RALGAPA1: variants seen among roughly 807,000 people sequenced by gnomAD.
RALGAPA1 encodes the protein ral GTPase-activating protein subunit alpha-1.
A neutral mutation model predicts 269.6 loss-of-function variants in RALGAPA1; 52 were observed. That is an observed-to-expected ratio of 0.19 (90% CI 0.15 to 0.24). The LOEUF is 0.24. RALGAPA1 is among the 10% of genes least tolerant of loss of function. The pLI, the probability that RALGAPA1 is intolerant of heterozygous loss-of-function variation, is 1.00. For missense variants in RALGAPA1, 1,917 were observed against 3,013.9 expected (o/e 0.64, Z 8.52); for synonymous variants, 817 against 1,008.3 (o/e 0.81, Z 3.60).
intron 41 of RALGAPA1, among the ~76,000 whole-genome samples, chr14:35,540,065 C>G (rs941858296): frequency 6.6e-6 from 1 of 151,930 alleles, no homozygotes; most frequent in Non-Finnish European, 1.5e-5. Flanking sequence ...AGGGTACAAC[C>G]AAGAAAAGAG....
intron 41 of RALGAPA1, among the ~76,000 whole-genome samples, chr14:35,548,062 GAAT>G (rs2054608254): frequency 1.3e-5 from 2 of 152,022 alleles, no homozygotes; most frequent in South Asian, 4.2e-4. Context: ...TGCTTCCCTT[GAAT>G]ACCATTACAA....
chr14:35,640,185 GCAAGAGCAAAC>G (rs2061932655), intron 31 of RALGAPA1, among the ~76,000 whole-genome samples: 1 of 151,818 alleles, frequency 6.6e-6, no homozygotes, highest in African/African-American at 2.4e-5. Flanking sequence ...AACCAGAAAA[GCAAGAGCAAAC>G]CAAACCCAAA....
At chr14:35,615,334 G>C (rs188375850) in intron 35 of RALGAPA1, among the ~76,000 whole-genome samples, 6 of 152,228 alleles carry the variant, frequency 3.9e-5, no homozygotes, top group Admixed American at 3.9e-4. Flanking sequence ...CAACCACAAG[G>C]AATAGGAAAC....
chr14:35,593,567 T>A (rs2058756635), intron 37 of RALGAPA1, among the ~76,000 whole-genome samples: 1 of 152,060 alleles, frequency 6.6e-6, no homozygotes, highest in Non-Finnish European at 1.5e-5. Flanking sequence ...ATTCCCTGAT[T>A]TAAAATTATA....
chr14:35,642,002 A>G (rs1340508307), intron 31 of RALGAPA1, among the ~76,000 whole-genome samples: 1 of 152,222 alleles, frequency 6.6e-6, no homozygotes, highest in Non-Finnish European at 1.5e-5. Context: ...TGGAAAGGAC[A>G]GTCTCTTCAA....
At chr14:35,702,743 A>ACATT (rs1555409698) in intron 16 of RALGAPA1, among the ~76,000 whole-genome samples, 2 of 141,790 alleles carry the variant, frequency 1.4e-5, no homozygotes, top group African/African-American at 2.6e-5. Flanking sequence ...ATATATATAC[A>ACATT]TTTTTTTTTT....
chr14:35,748,006 C>T (rs1238012778), intron 10 of RALGAPA1, among the ~76,000 whole-genome samples: 3 of 151,894 alleles, frequency 2.0e-5, no homozygotes, highest in Non-Finnish European at 2.9e-5. Flanking sequence ...ATAAAAACCT[C>T]CCTTCTTATA....
chr14:35,598,098 T>C (rs996297592), intron 36 of RALGAPA1, among the ~76,000 whole-genome samples: 1 of 152,204 alleles, frequency 6.6e-6, no homozygotes, highest in Non-Finnish European at 1.5e-5. Flanking sequence ...GTTTTCCTCT[T>C]AACTGTTGAG....
At chr14:35,590,218 A>G (rs1338988773) in intron 37 of RALGAPA1, among the ~76,000 whole-genome samples, 1 of 152,218 alleles carries the variant, frequency 6.6e-6, no homozygotes, top group Non-Finnish European at 1.5e-5. Flanking sequence ...TTCACTGAAT[A>G]TGCTTTCATA....
At chr14:35,561,338 T>G (rs2056216556) in intron 39 of RALGAPA1, among the ~76,000 whole-genome samples, 1 of 150,470 alleles carries the variant, frequency 6.6e-6, no homozygotes, top group African/African-American at 2.4e-5. Flanking sequence ...AAAAATATAC[T>G]AGAGTCACTG....
In RALGAPA1 at chr14:35,563,020, C is replaced by CAA. The variant is rs71445944; in HGVS notation, c.7496+7595_7496+7596dup. Among the ~76,000 whole-genome samples, 235 of 37,252 alleles carry CAA rather than the reference C, an allele frequency of 6.3e-3. 31 individuals are homozygous for CAA. The East Asian group carries it at 0.088, about 14-fold the overall frequency. 24.4% of individuals were successfully genotyped at this position (37,252 alleles called of 152,430 possible). On this transcript the variant is annotated intron_variant, in intron 39 of 41. Transcript: ENST00000680220. The stretch of plus-strand genomic sequence containing the variant: ...TGGGCAACAGAGCGAGAGTCCGTCT[C>CAA]AAAAAAAAAAAAAAAAAAAAAAAAA...
At chr14:35,614,697 A>G (rs2060143140) in intron 35 of RALGAPA1, among the ~76,000 whole-genome samples, 2 of 152,180 alleles carry the variant, frequency 1.3e-5, no homozygotes, top group South Asian at 4.1e-4. Flanking sequence ...AATTAACTGT[A>G]TTGCATGTAA....
chr14:35,619,896 A>G (rs942240884), intron 35 of RALGAPA1, among the ~76,000 whole-genome samples: 1 of 152,164 alleles, frequency 6.6e-6, no homozygotes, highest in Non-Finnish European at 1.5e-5. Flanking sequence ...TACAAACCAA[A>G]AACAGTCCAG....
intron 37 of RALGAPA1, among the ~76,000 whole-genome samples, chr14:35,575,306 A>G (rs2057478661): frequency 6.6e-6 from 1 of 152,204 alleles, no homozygotes; most frequent in African/African-American, 2.4e-5. Context: ...CTACTCTTCT[A>G]AATTTCTTTC....
chr14:35,677,876 G>A, intron 22 of RALGAPA1, 74 bp downstream of exon 22: 8 of 1,343,946 alleles, frequency 6.0e-6, no homozygotes, highest in Non-Finnish European at 8.4e-6. Context: ...TCAAATGTAA[G>A]ATGCCTTATT....
At chr14:35,680,608 A>T (rs201659983) in intron 21 of RALGAPA1, among the ~76,000 whole-genome samples, 2 of 135,240 alleles carry the variant, frequency 1.5e-5, no homozygotes, top group African/African-American at 6.2e-5. Flanking sequence ...TTATTTATTT[A>T]TTTTTTGCTT....
At chr14:35,717,693 G>C (rs58804067) in intron 16 of RALGAPA1, among the ~76,000 whole-genome samples, 3,386 of 152,066 alleles carry the variant, frequency 0.022, 122 homozygotes, top group South Asian at 0.14. Context: ...TGGGACTAGG[G>C]ACTACAGGCG....
At chr14:35,661,408 G>T (rs190099427) in intron 27 of RALGAPA1, among the ~76,000 whole-genome samples, 2 of 152,056 alleles carry the variant, frequency 1.3e-5, no homozygotes, top group Non-Finnish European at 2.9e-5. Context: ...AAATACAAGG[G>T]TAAAATATTG....
intron 37 of RALGAPA1, among the ~76,000 whole-genome samples, chr14:35,581,932 A>G (rs569959662): frequency 2.0e-5 from 3 of 152,226 alleles, no homozygotes; most frequent in Non-Finnish European, 1.5e-5. Context: ...TTGTATGCCA[A>G]TGTTCACTGC....
Sources: gnomAD v4.1 joint callset for allele counts (sites outside exome capture counted in the v4.1 genomes callset) on GRCh38, gnomAD v4.1.1 for gene constraint, MANE v1.5 for transcripts, NCBI Gene and HGNC (gene_info 2026-07-23, HGNC 2026-07-21) for gene names.